SYN3: variants seen among roughly 807,000 people sequenced by gnomAD.
SYN3 encodes the protein synapsin-3.
Under a neutral mutation model 65.8 loss-of-function variants are expected in SYN3, and 35 were observed. The ratio of observed to expected loss-of-function variants is 0.53; its 90% CI spans 0.41 to 0.70. The LOEUF (loss-of-function observed/expected upper bound fraction) is 0.70, where lower values mean the gene tolerates loss of function less well. SYN3 is among the 30% of genes least tolerant of loss of function. The pLI is 0.00. For missense variants in SYN3, 680 were observed against 749.0 expected (o/e 0.91, Z 1.08); for synonymous variants, 270 against 292.9 (o/e 0.92, Z 0.80).
At chr22:33,037,079 G>A (rs978777258) in intron 1 of SYN3, among the ~76,000 whole-genome samples, 31 of 152,140 alleles carry the variant, frequency 2.0e-4, no homozygotes, top group African/African-American at 7.2e-4. Flanking sequence ...TTAAGTATAT[G>A]CACCTCATAA....
intron 2 of SYN3, among the ~76,000 whole-genome samples, chr22:32,987,538 C>G (rs2145692377): frequency 6.6e-6 from 1 of 152,274 alleles, no homozygotes; most frequent in South Asian, 2.1e-4. Context: ...GTCCTCCATG[C>G]AATTAGCAAG....
intron 6 of SYN3, among the ~76,000 whole-genome samples, chr22:32,773,656 C>A (rs1234764450): frequency 6.6e-6 from 1 of 152,160 alleles, no homozygotes; most frequent in Non-Finnish European, 1.5e-5. Context: ...AGCCCTTGAG[C>A]CTCCAATTTG....
At chr22:32,572,376 TCCCATCTTTCCTTCCTTCCCTCCCTCCC>T in intron 7 of SYN3, among the ~76,000 whole-genome samples, 3 of 77,860 alleles carry the variant, frequency 3.9e-5, no homozygotes, top group East Asian at 4.4e-4. Context: ...CCACCCTCCC[TCCCATCTTTCCTTCCTTCCCTCCCTCCC>T]TCCTGTCTTT....
At chr22:33,043,667 CTG>C (rs1158776632) in intron 1 of SYN3, among the ~76,000 whole-genome samples, 1 of 152,240 alleles carries the variant, frequency 6.6e-6, no homozygotes, top group Non-Finnish European at 1.5e-5. Context: ...ATTCATCCTT[CTG>C]TGTCTTTGTT....
rs149179345 is a variant in SYN3 at position 32,557,589 on chromosome 22, C to T, written c.775-15876G>A. Reference sequence around the variant, plus strand: ...TCTGGCCATGACGTATCCAGACAAGCCCTGTCTCTGTAAACAACTATAAAA... The same window carrying T: ...TCTGGCCATGACGTATCCAGACAAGTCCTGTCTCTGTAAACAACTATAAAA... On this transcript the variant is annotated intron_variant, in intron 7 of 13. Coordinates refer to ENST00000358763, the MANE Select transcript of SYN3 (RefSeq NM_003490.4). Among the ~76,000 whole-genome samples the T allele has an allele frequency of 3.6e-3, 545 of 152,304 alleles. 2 individuals are homozygous for T. The highest frequency in any genetic ancestry group is 0.012 in the African/African-American group (510 of 41,556).
chr22:32,921,362 C>T (rs2050329711), intron 4 of SYN3, among the ~76,000 whole-genome samples: 1 of 152,112 alleles, frequency 6.6e-6, no homozygotes, highest in Non-Finnish European at 1.5e-5. Context: ...ATTCTCATAC[C>T]TGAGCAACAG....
intron 4 of SYN3, among the ~76,000 whole-genome samples, chr22:32,879,320 T>C (rs918634813): frequency 6.6e-6 from 1 of 152,258 alleles, no homozygotes; most frequent in Admixed American, 6.5e-5. Flanking sequence ...GGCACATTTA[T>C]AGATCCTGGA....
chr22:32,661,751 A>G (rs926108263), intron 6 of SYN3, among the ~76,000 whole-genome samples: 17 of 152,150 alleles, frequency 1.1e-4, no homozygotes, highest in Admixed American at 9.8e-4. Flanking sequence ...CTGGAACGGA[A>G]GGGAATAGAA....
intron 9 of SYN3, among the ~76,000 whole-genome samples, chr22:32,537,111 G>A (rs2058178171): frequency 6.6e-6 from 1 of 152,090 alleles, no homozygotes; most frequent in Non-Finnish European, 1.5e-5. Context: ...AGGCAAGAAG[G>A]TATGTATGTG....
chr22:32,887,356 C>T (rs530626599), intron 4 of SYN3, among the ~76,000 whole-genome samples: 1 of 151,472 alleles, frequency 6.6e-6, no homozygotes, highest in South Asian at 2.1e-4. Flanking sequence ...TCAGCCTAGG[C>T]AACAGCGAGA....
intron 2 of SYN3, among the ~76,000 whole-genome samples, chr22:33,000,166 GACAAGCCTAGGCAAC>G (rs2053016428): frequency 6.6e-6 from 1 of 152,030 alleles, no homozygotes; most frequent in Non-Finnish European, 1.5e-5. Context: ...AGGAGTTCAA[GACAAGCCTAGGCAAC>G]ACAGTGAAAC....
intron 4 of SYN3, among the ~76,000 whole-genome samples, chr22:32,890,765 G>A (rs1268134360): frequency 2.6e-5 from 4 of 152,058 alleles, no homozygotes; most frequent in African/African-American, 7.2e-5. Flanking sequence ...CTTATTTTTA[G>A]ATTAGAATAT....
rs764321385 is a variant in SYN3, at chr22:33,006,472, G to C, written c.191C>G (p.Ser64Cys). The change falls in exon 2 of 14, where the codon TCC becomes TGC. Residue 64 changes from serine to cysteine, a missense_variant. Ser to Cys is a moderately radical substitution (Grantham distance 112). Transcript: ENST00000358763. ...CTGAGGGGCCTGCTTCATGGCACTG[G>C]AGAGGGAGCTAAAAAGGCTGGATCC... ...SPGSSLFSSL[S>C]SAMKQAPQAT... 3 of 1,614,088 alleles carry C rather than the reference G, an allele frequency of 1.9e-6. No individual in the cohort carries two copies. The highest frequency in any genetic ancestry group is 2.7e-5 in the African/African-American group (2 of 74,946).
intron 6 of SYN3, among the ~76,000 whole-genome samples, chr22:32,761,486 G>T (rs369180331): frequency 1.3e-5 from 2 of 152,186 alleles, no homozygotes; most frequent in African/African-American, 4.8e-5. Context: ...GGAAGGGAGT[G>T]GGGGGACAAC....
chr22:32,779,259 A>C lies in SYN3; in HGVS notation c.711+85656T>G, dbSNP rs150111312. 4.0e-3 allele frequency among the ~76,000 whole-genome samples: 603 copies of C among 152,260 alleles called. 2 individuals carry two copies. The highest frequency in any genetic ancestry group is 5.5e-3 in the Non-Finnish European group (372 of 68,026). ...TGGATCACTTGAGGTCAGGAGTTTG[A>C]GACCAGCCTGGACAACATGGCAAAA... On this transcript the variant is annotated intron_variant, in intron 6 of 13. Coordinates refer to ENST00000358763, the MANE Select transcript of SYN3 (RefSeq NM_003490.4).
intron 1 of SYN3, among the ~76,000 whole-genome samples, chr22:33,045,221 T>C (rs1438990896): frequency 1.3e-5 from 2 of 152,128 alleles, no homozygotes; most frequent in African/African-American, 2.4e-5. Context: ...ACTTAGTAAT[T>C]TGGCCCTCAC....
rs1013642711 is a variant in SYN3 at position 32,830,528 on chromosome 22, G to T, written c.711+34387C>A. Among the ~76,000 whole-genome samples, 6 of 152,300 alleles carry T rather than the reference G, an allele frequency of 3.9e-5. No individual in the cohort carries two copies. In the East Asian group the frequency reaches 1.2e-3, roughly 29 times the overall value. ...AGAGCTTCAGCCAAATCCTGGAACG[G>T]AAGCTCTTGGGAAGCTGCCTGTGAC... is the stretch of plus-strand genomic sequence containing the variant. On this transcript the variant is annotated intron_variant, in intron 6 of 13. Transcript: ENST00000358763.
At chr22:32,914,040 C>T (rs546093683) in intron 4 of SYN3, among the ~76,000 whole-genome samples, 9 of 152,304 alleles carry the variant, frequency 5.9e-5, no homozygotes, top group Middle Eastern at 3.4e-3. Flanking sequence ...TAGCTCATTT[C>T]ACTCTCCCAA....
chr22:32,799,174 T>C (rs369893657), intron 6 of SYN3, among the ~76,000 whole-genome samples: 2 of 152,312 alleles, frequency 1.3e-5, no homozygotes, highest in African/African-American at 4.8e-5. Flanking sequence ...TGGAGTTTGC[T>C]GTTTCTTTTC....
Sources: allele counts gnomAD v4.1 joint callset (sites outside exome capture counted in the v4.1 genomes callset), GRCh38; gene constraint gnomAD v4.1.1; transcripts MANE v1.5; gene names NCBI Gene and HGNC (gene_info 2026-07-23, HGNC 2026-07-21).